Variants in RIMS1 observed in about 807,000 individuals in gnomAD.
RIMS1 encodes regulating synaptic membrane exocytosis protein 1.
Under a neutral mutation model 214.1 loss-of-function variants are expected in RIMS1, and 83 were observed. The observed-to-expected ratio is 0.39, with a 90% CI of 0.32 to 0.47. The LOEUF (loss-of-function observed/expected upper bound fraction) is 0.47. Ranked by LOEUF, RIMS1 falls within the 20% of genes least tolerant of loss-of-function variation. The pLI is 0.99. For missense variants in RIMS1, 2,050 were observed against 2,161.8 expected, an observed-to-expected ratio of 0.95 and a Z score of 1.03; for synonymous variants, 793 against 786.8, an observed-to-expected ratio of 1.01 and a Z score of -0.13.
chr6:71,942,524 T>C (rs1472626785), intron 1 of RIMS1, among the ~76,000 whole-genome samples: 28 of 152,158 alleles, frequency 1.8e-4, no homozygotes, highest in Admixed American at 1.8e-3. Context: ...CACAGCATAT[T>C]TTATGTACAT....
At chr6:71,896,489 TATC>T (rs1228156333) in intron 1 of RIMS1, among the ~76,000 whole-genome samples, 1 of 152,178 alleles carries the variant, frequency 6.6e-6, no homozygotes, top group African/African-American at 2.4e-5. Context: ...GTCCAGGGGC[TATC>T]TAGTCCCTGA....
At chr6:71,978,590 A>T (rs1238915223) in intron 2 of RIMS1, among the ~76,000 whole-genome samples, 1 of 152,118 alleles carries the variant, frequency 6.6e-6, no homozygotes, top group Non-Finnish European at 1.5e-5. Context: ...GAAGAAAAAG[A>T]ATATGTCATA....
intron 29 of RIMS1, among the ~76,000 whole-genome samples, chr6:72,356,816 C>CTT (rs1241943725): frequency 6.6e-6 from 1 of 151,856 alleles, no homozygotes; most frequent in East Asian, 1.9e-4. Flanking sequence ...TAGCCTTCTG[C>CTT]TTATCATATA....
At chr6:72,302,461 G>A (rs2094721960) in intron 26 of RIMS1, among the ~76,000 whole-genome samples, 1 of 151,400 alleles carries the variant, frequency 6.6e-6, no homozygotes, top group African/African-American at 2.4e-5. Flanking sequence ...GATTCAATTA[G>A]CTAAACCTTT....
intron 2 of RIMS1, among the ~76,000 whole-genome samples, chr6:72,022,934 A>G (rs957276188): frequency 6.6e-6 from 1 of 152,182 alleles, no homozygotes; most frequent in Non-Finnish European, 1.5e-5. Flanking sequence ...GATGATTTTT[A>G]TAAGTGACAT....
At chr6:72,109,489 TA>T (rs1486958080) in intron 4 of RIMS1, among the ~76,000 whole-genome samples, 1 of 152,190 alleles carries the variant, frequency 6.6e-6, no homozygotes, top group African/African-American at 2.4e-5. Flanking sequence ...TTTGGTTGCA[TA>T]AATGTCTTCT....
At chr6:72,093,809 C>G (rs2030100035) in intron 2 of RIMS1, among the ~76,000 whole-genome samples, 1 of 152,080 alleles carries the variant, frequency 6.6e-6, no homozygotes. Context: ...ATCATACACT[C>G]TATTTCAATT....
At chr6:72,337,829 G>A (rs1330029124) in intron 29 of RIMS1, among the ~76,000 whole-genome samples, 3 of 146,782 alleles carry the variant, frequency 2.0e-5, no homozygotes, top group African/African-American at 7.6e-5. Flanking sequence ...CTATGAGTGA[G>A]AACATGCAGT....
chr6:72,093,169 T>C (rs1008181434), intron 2 of RIMS1, among the ~76,000 whole-genome samples: 2 of 145,214 alleles, frequency 1.4e-5, no homozygotes, highest in African/African-American at 2.5e-5. Context: ...TCCTAGAGAG[T>C]TTGGGAAAAG....
At chr6:72,016,567 G>A (rs1488459675) in intron 2 of RIMS1, among the ~76,000 whole-genome samples, 1 of 152,248 alleles carries the variant, frequency 6.6e-6, no homozygotes, top group South Asian at 2.1e-4. Context: ...TTGAATAATT[G>A]CTCCTTGGAT....
At chr6:72,356,469 T>A (rs1284023266) in intron 29 of RIMS1, among the ~76,000 whole-genome samples, 3 of 152,098 alleles carry the variant, frequency 2.0e-5, no homozygotes, top group Non-Finnish European at 2.9e-5. Flanking sequence ...TAAAAAATAA[T>A]GAGATGTGTC....
chr6:71,923,854 G>T (rs1385450112), intron 1 of RIMS1, among the ~76,000 whole-genome samples: 4 of 152,134 alleles, frequency 2.6e-5, no homozygotes, highest in Admixed American at 6.5e-5. Flanking sequence ...GTGAGCCACT[G>T]CGCCTGGCCT....
chr6:72,375,520 G>A (rs1394561062), intron 29 of RIMS1, among the ~76,000 whole-genome samples: 2 of 152,080 alleles, frequency 1.3e-5, no homozygotes, highest in Non-Finnish European at 1.5e-5. Context: ...GCCACATGTA[G>A]TTAGTTATCA....
At chr6:72,268,175 A>G (rs535202418) in intron 22 of RIMS1, among the ~76,000 whole-genome samples, 1 of 152,196 alleles carries the variant, frequency 6.6e-6, no homozygotes, top group African/African-American at 2.4e-5. Context: ...GAACACGCCT[A>G]TGAAGCAGCT....
At chr6:72,029,127 T>C (rs989616589) in intron 2 of RIMS1, among the ~76,000 whole-genome samples, 1 of 152,164 alleles carries the variant, frequency 6.6e-6, no homozygotes, top group African/African-American at 2.4e-5. Flanking sequence ...ATTTTTGCTT[T>C]ATTATTTTCT....
rs1460349303 is a variant in RIMS1, at chr6:72,233,823, A to G, written c.1729A>G (p.Thr577Ala). 1.3e-6 allele frequency: 2 copies of G among 1,580,726 alleles called. No homozygotes were observed. Among genetic ancestry groups the G allele is most frequent in the Non-Finnish European group, 1.7e-6 (2 of 1,161,128 alleles). ...LDPATWHSRE[T>A]SPISSHPVTW... ...TCCTGCCACGTGGCACAGCCGGGAG[A>G]CATCACCTATTAGTTCGGTAAGTTT... Residue 577 changes from threonine to alanine, a missense_variant, in exon 7 of 34, where the codon ACA becomes GCA. Transcript: ENST00000521978.
chr6:72,398,546 A>T (rs1029790003), intron 32 of RIMS1, among the ~76,000 whole-genome samples, 196 bp downstream of exon 32: 1 of 152,192 alleles, frequency 6.6e-6, no homozygotes, highest in African/African-American at 2.4e-5. Context: ...AGAAGGTGTT[A>T]GGAAGTATGT....
chr6:72,363,277 G>A (rs975365306), intron 29 of RIMS1, among the ~76,000 whole-genome samples: 10 of 152,156 alleles, frequency 6.6e-5, no homozygotes, highest in East Asian at 3.8e-4. Flanking sequence ...AAAAAGTAGA[G>A]TATAGGGAGA....
intron 24 of RIMS1, among the ~76,000 whole-genome samples, chr6:72,287,948 A>G (rs1262607876): frequency 1.3e-5 from 2 of 152,218 alleles, no homozygotes; most frequent in Non-Finnish European, 2.9e-5. Flanking sequence ...GTTAAATACC[A>G]TTGTCCATAT....
Sources: gnomAD v4.1 joint callset for allele counts (sites outside exome capture counted in the v4.1 genomes callset) on GRCh38, gnomAD v4.1.1 for gene constraint, MANE v1.5 for transcripts, NCBI Gene and HGNC (gene_info 2026-07-23, HGNC 2026-07-21) for gene names.